The following POLR3B variants were observed in gnomAD, a reference collection of about 807,000 sequenced individuals.
POLR3B encodes DNA-directed RNA polymerase III subunit RPC2.
A neutral mutation model predicts 147.4 loss-of-function variants in POLR3B; 96 were observed. That is an observed-to-expected ratio of 0.65 (90% CI 0.55 to 0.77). The LOEUF (loss-of-function observed/expected upper bound fraction) is 0.77, where lower values mean the gene tolerates loss of function less well. POLR3B is among the 30% of genes least tolerant of loss of function. POLR3B has a pLI of 0.00. For synonymous variants in POLR3B, 461 were observed against 485.9 expected, an observed-to-expected ratio of 0.95 and a Z score of 0.67; for missense variants, 1,036 against 1,413.5, an observed-to-expected ratio of 0.73 and a Z score of 4.28.
At chr12:106,365,849 ACT>A (rs2036528272) in intron 2 of POLR3B, among the ~76,000 whole-genome samples, 3 of 144,806 alleles carry the variant, frequency 2.1e-5, no homozygotes, top group African/African-American at 7.8e-5. Context: ...ATAGAGCGAG[ACT>A]CTGTCTCAAA....
At chr12:106,394,007 A>G (rs2036950406) in intron 10 of POLR3B, among the ~76,000 whole-genome samples, 1 of 152,170 alleles carries the variant, frequency 6.6e-6, no homozygotes, top group African/African-American at 2.4e-5. Flanking sequence ...TACATTGTCT[A>G]TTCTGTGGGT....
chr12:106,434,353 C>G (rs139462853), intron 16 of POLR3B, among the ~76,000 whole-genome samples: 1 of 152,162 alleles, frequency 6.6e-6, no homozygotes, highest in Non-Finnish European at 1.5e-5. Context: ...ATTTTGCCCA[C>G]TATAGTCTGT....
At chr12:106,411,020 C>T in intron 12 of POLR3B, 60 bp downstream of exon 12, 1 of 1,498,388 alleles carries the variant, frequency 6.7e-7, no homozygotes, top group Non-Finnish European at 9.3e-7. Flanking sequence ...ATTTGGTTTT[C>T]ATTTCACATA....
intron 23 of POLR3B, among the ~76,000 whole-genome samples, chr12:106,467,630 G>C (rs931368142): frequency 6.6e-6 from 1 of 152,060 alleles, no homozygotes; most frequent in African/African-American, 2.4e-5. Context: ...ATGTTCCATC[G>C]ATACCTGGTT....
chr12:106,505,908 C>T lies in POLR3B; in HGVS notation c.3272+1654C>T, dbSNP rs924266631. 2.6e-5 allele frequency among the ~76,000 whole-genome samples: 4 copies of T among 152,346 alleles called. 1 individual carries two copies. Among genetic ancestry groups the T allele is most frequent in the South Asian group, 4.1e-4 (2 of 4,826 alleles). ...AGTTGAACAAGTGGGCTCCTTAAAA[C>T]GCAGTGTATCCCTTGCCAGATAAAT... On this transcript the variant is annotated intron_variant, in intron 27 of 27. Coordinates refer to ENST00000228347, the MANE Select transcript of POLR3B (RefSeq NM_018082.6).
At chr12:106,499,237 T>TC (rs1255339889) in intron 25 of POLR3B, among the ~76,000 whole-genome samples, 3 of 152,198 alleles carry the variant, frequency 2.0e-5, no homozygotes, top group Admixed American at 2.0e-4. Flanking sequence ...AGGCACATTT[T>TC]TGGCCAGGTG....
At chr12:106,486,181 C>T (rs772666996) in intron 23 of POLR3B, among the ~76,000 whole-genome samples, 10 of 146,998 alleles carry the variant, frequency 6.8e-5, no homozygotes, top group African/African-American at 1.7e-4. Context: ...CCCAGCTACT[C>T]GGGAGACTGA....
At chr12:106,488,163 A>G (rs1399966663) in intron 23 of POLR3B, among the ~76,000 whole-genome samples, 1 of 152,224 alleles carries the variant, frequency 6.6e-6, no homozygotes, top group Non-Finnish European at 1.5e-5. Flanking sequence ...TTAGATGAGG[A>G]CATTTCAATA....
chr12:106,371,686 A>G (rs1565875210), intron 6 of POLR3B, among the ~76,000 whole-genome samples: 1 of 142,414 alleles, frequency 7.0e-6, no homozygotes, highest in Non-Finnish European at 1.5e-5. Context: ...AACTATCGCA[A>G]GAACAAAAAA....
At chr12:106,410,768 G>A in intron 11 of POLR3B, 58 bp from the exon 12 acceptor site, 1 of 1,381,670 alleles carries the variant, frequency 7.2e-7, no homozygotes, top group African/African-American at 1.4e-5. Flanking sequence ...TTTTCTTGAG[G>A]TACGTTAAAT....
At chr12:106,361,843 C>G (rs926894682) in intron 1 of POLR3B, among the ~76,000 whole-genome samples, 1 of 152,150 alleles carries the variant, frequency 6.6e-6, no homozygotes, top group African/African-American at 2.4e-5. Flanking sequence ...GAGAATGATA[C>G]CACAGAGTGT....
At chr12:106,462,224 C>T (rs534851173) in intron 22 of POLR3B, among the ~76,000 whole-genome samples, 117 of 152,328 alleles carry the variant, frequency 7.7e-4, no homozygotes, top group Middle Eastern at 3.4e-3. Context: ...TGGTACCACT[C>T]AGGGTCTCTC....
At chr12:106,383,010 C>G (rs938352942) in intron 9 of POLR3B, among the ~76,000 whole-genome samples, 4 of 152,216 alleles carry the variant, frequency 2.6e-5, no homozygotes, top group African/African-American at 9.6e-5. Context: ...TTCTGAAAAA[C>G]TTGCTGCAGC....
intron 10 of POLR3B, among the ~76,000 whole-genome samples, chr12:106,401,308 G>T (rs2037063271): frequency 1.3e-5 from 2 of 152,090 alleles, no homozygotes; most frequent in South Asian, 4.1e-4. Flanking sequence ...CCAATAACAG[G>T]CTCTGAAATT....
intron 1 of POLR3B, among the ~76,000 whole-genome samples, chr12:106,361,000 A>G (rs2036462716): frequency 6.6e-6 from 1 of 152,190 alleles, no homozygotes; most frequent in Non-Finnish European, 1.5e-5. Context: ...CATTCCAGAT[A>G]GAAGGAGGAG....
intron 10 of POLR3B, among the ~76,000 whole-genome samples, chr12:106,402,555 A>C (rs1265032070): frequency 6.6e-6 from 1 of 152,254 alleles, no homozygotes; most frequent in Non-Finnish European, 1.5e-5. Context: ...ACCTGACTTC[A>C]AACTACCACA....
intron 12 of POLR3B, among the ~76,000 whole-genome samples, chr12:106,415,781 C>T (rs1480627542): frequency 1.3e-5 from 2 of 152,148 alleles, no homozygotes; most frequent in Non-Finnish European, 2.9e-5. Context: ...TCTTAGTAAA[C>T]ATTTAAAAAA....
At chr12:106,494,984 C>T (rs2038458084) in intron 23 of POLR3B, among the ~76,000 whole-genome samples, 1 of 152,108 alleles carries the variant, frequency 6.6e-6, no homozygotes, top group Admixed American at 6.5e-5. Context: ...TGAATAATTA[C>T]ATAGAATCAA....
chr12:106,357,767 G>C lies in POLR3B; in HGVS notation c.-113G>C. The C allele has an allele frequency of 2.9e-6, 3 of 1,052,264 alleles. No individual in the cohort carries two copies. The South Asian group carries it at 4.1e-5, about 14-fold the overall frequency. 65.2% of individuals were successfully genotyped at this position (1,052,264 alleles called of 1,614,324 possible). ...TACCGCGTCTCTAGCTAACACGCAC[G>C]GCGGGGACAGTTTAGGCCTCCGCGC... On this transcript the variant is annotated 5_prime_UTR_variant, in exon 1 of 28. Transcript: ENST00000228347.
Sources: gnomAD v4.1 joint callset for allele counts (sites outside exome capture counted in the v4.1 genomes callset) on GRCh38, gnomAD v4.1.1 for gene constraint, MANE v1.5 for transcripts, NCBI Gene and HGNC (gene_info 2026-07-23, HGNC 2026-07-21) for gene names.